The following RBFOX1 variants were observed in gnomAD, a reference collection of about 807,000 sequenced individuals.
The protein encoded by RBFOX1 is RNA binding protein fox-1 homolog 1.
Under a neutral mutation model 57.7 loss-of-function variants are expected in RBFOX1, and 8 were observed. The observed-to-expected ratio is 0.14, with a 90% confidence interval of 0.08 to 0.25. RBFOX1 has a LOEUF of 0.25. Among genes scored for constraint, RBFOX1 ranks in the 10% least tolerant of loss-of-function variants. RBFOX1 has a pLI of 1.00. For synonymous variants in RBFOX1, 326 were observed against 222.4 expected (o/e 1.47, Z -4.15); for missense variants, 611 against 548.5 (o/e 1.11, Z -1.14).
intron 4 of RBFOX1, among the ~76,000 whole-genome samples, chr16:7,300,489 C>T (rs1180517515): frequency 6.6e-6 from 1 of 152,204 alleles, no homozygotes; most frequent in South Asian, 2.1e-4. Context: ...TAAAATATTT[C>T]TAAGTCACAT....
chr16:7,305,923 T>A (rs1199082215), intron 4 of RBFOX1, among the ~76,000 whole-genome samples: 1 of 152,230 alleles, frequency 6.6e-6, no homozygotes, highest in Non-Finnish European at 1.5e-5. Flanking sequence ...GCTGTGGGTG[T>A]GTGTGTAAAT....
intron 4 of RBFOX1, among the ~76,000 whole-genome samples, chr16:7,181,597 C>G (rs993188502): frequency 6.6e-6 from 1 of 151,810 alleles, no homozygotes; most frequent in Non-Finnish European, 1.5e-5. Flanking sequence ...CTTGCTTGCT[C>G]TGTTGCCCAG....
chr16:6,367,431 C>G (rs2534750), intron 2 of RBFOX1, among the ~76,000 whole-genome samples: 1 of 151,944 alleles, frequency 6.6e-6, no homozygotes, highest in Non-Finnish European at 1.5e-5. Context: ...CCACCATGCC[C>G]GGCTAATTTT....
intron 3 of RBFOX1, among the ~76,000 whole-genome samples, chr16:5,735,594 C>CTCT (rs1238708847): frequency 1.3e-5 from 2 of 151,904 alleles, no homozygotes; most frequent in Admixed American, 1.3e-4. Context: ...CTTAGTTGTC[C>CTCT]ATGTAATAAG....
chr16:6,825,775 C>G (rs1270403056), intron 3 of RBFOX1, among the ~76,000 whole-genome samples: 3 of 152,080 alleles, frequency 2.0e-5, no homozygotes, highest in East Asian at 3.9e-4. Flanking sequence ...TGAAGACACG[C>G]AGCTAATGAA....
In RBFOX1 at chr16:5,306,652, C is replaced by T. The variant is rs181579290; in HGVS notation, c.219+66547C>T. Among the ~76,000 whole-genome samples, 241 of 152,260 alleles carry T rather than the reference C, an allele frequency of 1.6e-3. 1 individual carries two copies. The highest frequency in any genetic ancestry group is 9.3e-3 in the East Asian group (48 of 5,172). On this transcript the variant is annotated intron_variant, in intron 1 of 2. Coordinates refer to the RBFOX1 transcript ENST00000585867. ...TGATTAGAGCTTTATCATGAAAGATCGAGTTAAATGCACAGCAATGCTCTG... is the reference window on the plus strand; with the variant it reads ...TGATTAGAGCTTTATCATGAAAGATTGAGTTAAATGCACAGCAATGCTCTG...
At chr16:5,521,496 C>T (rs1204480656) in intron 2 of RBFOX1, among the ~76,000 whole-genome samples, 2 of 143,704 alleles carry the variant, frequency 1.4e-5, no homozygotes, top group East Asian at 2.2e-4. Flanking sequence ...TCTCATTGAC[C>T]CGAACCTGTC....
At chr16:5,438,813 C>G (rs62016391) in intron 1 of RBFOX1, among the ~76,000 whole-genome samples, 2,547 of 152,154 alleles carry the variant, frequency 0.017, 32 homozygotes, top group Middle Eastern at 0.027. Flanking sequence ...ACGTGCTCAG[C>G]CATCTTGCAC....
At chr16:7,677,303 C>A (rs572492787) in intron 14 of RBFOX1, among the ~76,000 whole-genome samples, 1 of 152,256 alleles carries the variant, frequency 6.6e-6, no homozygotes, top group South Asian at 2.1e-4. Context: ...ATAAATCATT[C>A]CCTCCATTGC....
intron 4 of RBFOX1, among the ~76,000 whole-genome samples, chr16:7,113,145 G>A (rs1423139441): frequency 3.3e-5 from 5 of 152,226 alleles, no homozygotes; most frequent in Middle Eastern, 3.4e-3. Flanking sequence ...AGATATATAC[G>A]TTTTTAATTT....
At chr16:5,526,010 C>T (rs899721115) in intron 2 of RBFOX1, among the ~76,000 whole-genome samples, 1 of 148,760 alleles carries the variant, frequency 6.7e-6, no homozygotes, top group Non-Finnish European at 1.5e-5. Flanking sequence ...ATAGTCTGGT[C>T]TGTGGTCCCA....
intron 3 of RBFOX1, among the ~76,000 whole-genome samples, chr16:6,746,824 G>A (rs2073778314): frequency 6.6e-6 from 1 of 152,108 alleles, no homozygotes. Flanking sequence ...TCCCAAGTCT[G>A]TTATAGGAAT....
At chr16:6,232,682 T>G (rs747978787) in intron 1 of RBFOX1, among the ~76,000 whole-genome samples, 38 of 152,160 alleles carry the variant, frequency 2.5e-4, no homozygotes, top group Admixed American at 1.3e-4. Flanking sequence ...TCAAACCTAT[T>G]TAAGGTCCGT....
intron 2 of RBFOX1, among the ~76,000 whole-genome samples, chr16:6,548,847 G>T (rs1465378452): frequency 6.6e-6 from 1 of 151,904 alleles, no homozygotes; most frequent in East Asian, 2.0e-4. Context: ...AGGCCAAGGT[G>T]TGTGGATCAC....
chr16:5,964,380 C>G (rs1442657380), intron 4 of RBFOX1, among the ~76,000 whole-genome samples: 2 of 152,174 alleles, frequency 1.3e-5, no homozygotes, highest in East Asian at 3.8e-4. Flanking sequence ...TATGACCCAA[C>G]AATCCCACTT....
chr16:5,676,431 C>T (rs1413991681), intron 3 of RBFOX1, among the ~76,000 whole-genome samples: 1 of 152,184 alleles, frequency 6.6e-6, no homozygotes, highest in Non-Finnish European at 1.5e-5. Flanking sequence ...AGAGCAGACT[C>T]AATCTCACAT....
chr16:5,830,815 G>T (rs574222382), intron 3 of RBFOX1, among the ~76,000 whole-genome samples: 1 of 152,162 alleles, frequency 6.6e-6, no homozygotes, highest in Admixed American at 6.5e-5. Context: ...AATAGCTCAG[G>T]GTCTTCAGAC....
intron 4 of RBFOX1, among the ~76,000 whole-genome samples, chr16:7,424,966 G>A (rs1352591448): frequency 6.6e-6 from 1 of 152,156 alleles, no homozygotes; most frequent in Non-Finnish European, 1.5e-5. Context: ...GCACCAAGAA[G>A]AATGTTATCT....
intron 2 of RBFOX1, among the ~76,000 whole-genome samples, chr16:5,522,066 T>C (rs1256623400): frequency 5.9e-5 from 9 of 152,190 alleles, no homozygotes. Flanking sequence ...GTTTCTTGAG[T>C]GAATATGTGA....
Sources: gnomAD v4.1 joint callset for allele counts (sites outside exome capture counted in the v4.1 genomes callset) on GRCh38, gnomAD v4.1.1 for gene constraint, MANE v1.5 for transcripts, NCBI Gene and HGNC (gene_info 2026-07-23, HGNC 2026-07-21) for gene names.